TRAPPC9: variants seen among roughly 807,000 people sequenced by gnomAD.
TRAPPC9 encodes IKK2 binding protein.
Under a neutral mutation model 124.0 loss-of-function variants are expected in TRAPPC9, and 83 were observed. The ratio of observed to expected loss-of-function variants is 0.67; its 90% CI spans 0.56 to 0.80. TRAPPC9 has a LOEUF of 0.80. Ranked by LOEUF, TRAPPC9 falls within the 30% of genes least tolerant of loss-of-function variation. TRAPPC9 has a pLI of 0.00. For synonymous variants in TRAPPC9, 638 were observed against 617.5 expected, an observed-to-expected ratio of 1.03 and a Z score of -0.49; for missense variants, 1,302 against 1,508.3, an observed-to-expected ratio of 0.86 and a Z score of 2.27.
intron 21 of TRAPPC9, among the ~76,000 whole-genome samples, chr8:139,781,819 A>AT (rs773595463): frequency 1.6e-4 from 24 of 152,226 alleles, no homozygotes; most frequent in Non-Finnish European, 2.5e-4. Flanking sequence ...GAAATAGTGT[A>AT]TAAAAATAAT....
At chr8:139,947,907 T>TATATATATAGAGAGAGAGAGAGAGAG in intron 19 of TRAPPC9, among the ~76,000 whole-genome samples, 12 of 60,364 alleles carry the variant, frequency 2.0e-4, no homozygotes, top group East Asian at 1.8e-3. Context: ...TATATATATA[T>TATATATATAGAGAGAGAGAGAGAGAG]AGAGAGAGAG....
chr8:140,389,434 C>T (rs1372848463), intron 7 of TRAPPC9, among the ~76,000 whole-genome samples: 1 of 152,144 alleles, frequency 6.6e-6, no homozygotes, highest in African/African-American at 2.4e-5. Flanking sequence ...GTGTGCACAC[C>T]CACCAATGGT....
chr8:140,282,276 G>A lies in TRAPPC9; in HGVS notation c.2114+1613C>T, dbSNP rs183579476. Among the ~76,000 whole-genome samples, 112 of 152,292 alleles carry A rather than the reference G, an allele frequency of 7.4e-4. 1 individual carries two copies. Among genetic ancestry groups the A allele is most frequent in the Admixed American group, 1.4e-3 (22 of 15,302 alleles). Reference sequence around the variant, plus strand: ...CCAGCACTTTGGGAGGCCAAGGTGGGCAGATCACTTGAGGTCAGGAGTTTG... The same window carrying A: ...CCAGCACTTTGGGAGGCCAAGGTGGACAGATCACTTGAGGTCAGGAGTTTG... On this transcript the variant is annotated intron_variant, in intron 14 of 22. Coordinates refer to ENST00000438773, the MANE Select transcript of TRAPPC9 (RefSeq NM_001160372.4).
chr8:140,062,946 G>A (rs1401187127), intron 17 of TRAPPC9, among the ~76,000 whole-genome samples: 5 of 152,142 alleles, frequency 3.3e-5, no homozygotes, highest in Non-Finnish European at 7.3e-5. Flanking sequence ...AAAGGAAAGA[G>A]GTTTAATTGA....
At chr8:139,898,319 C>A (rs1830795543) in intron 20 of TRAPPC9, among the ~76,000 whole-genome samples, 1 of 152,178 alleles carries the variant, frequency 6.6e-6, no homozygotes, top group Non-Finnish European at 1.5e-5. Flanking sequence ...CAAACTAGAC[C>A]CCGGTAAGCA....
intron 17 of TRAPPC9, among the ~76,000 whole-genome samples, chr8:140,125,149 A>G (rs893985876): frequency 6.6e-6 from 1 of 152,224 alleles, no homozygotes; most frequent in Non-Finnish European, 1.5e-5. Context: ...GCCGATGGTG[A>G]TGCAGCAGCC....
chr8:140,215,145 A>G (rs2063160348), intron 17 of TRAPPC9, among the ~76,000 whole-genome samples: 4 of 152,112 alleles, frequency 2.6e-5, no homozygotes, highest in Non-Finnish European at 4.4e-5. Flanking sequence ...AAAATGCCGC[A>G]TGATTGCACA....
chr8:139,780,386 T>A (rs138024844), intron 21 of TRAPPC9, among the ~76,000 whole-genome samples: 316 of 152,260 alleles, frequency 2.1e-3, no homozygotes, highest in Middle Eastern at 0.017. Flanking sequence ...CATGTCTGTA[T>A]CATAAACTCT....
chr8:140,435,837 C>T (rs1452511655), intron 3 of TRAPPC9, among the ~76,000 whole-genome samples: 2 of 152,164 alleles, frequency 1.3e-5, no homozygotes, highest in Non-Finnish European at 2.9e-5. Flanking sequence ...CCAGCTATGC[C>T]ACATGCCTTA....
intron 11 of TRAPPC9, among the ~76,000 whole-genome samples, chr8:140,298,400 C>T (rs1225649799): frequency 6.6e-6 from 1 of 152,188 alleles, no homozygotes; most frequent in African/African-American, 2.4e-5. Context: ...CACCTGTAAC[C>T]CCAGCTCTCT....
Position 140,186,141 on chromosome 8 carries a change from A to C in TRAPPC9, c.2556+35318T>G, listed in dbSNP as rs73363002. Among the ~76,000 whole-genome samples the C allele has an allele frequency of 4.6e-3, 704 of 152,370 alleles. 7 individuals carry two copies. The highest frequency in any genetic ancestry group is 0.016 in the African/African-American group (672 of 41,586). On this transcript the variant is annotated intron_variant, in intron 17 of 22. Coordinates refer to ENST00000438773, the MANE Select transcript of TRAPPC9 (RefSeq NM_001160372.4). ...ATTACTAAACAAACTTCAAAGTAAA[A>C]CATTTTCTCAAACTTAATTTGACCA...
intron 17 of TRAPPC9, among the ~76,000 whole-genome samples, chr8:140,086,460 C>A (rs927735863): frequency 2.0e-5 from 3 of 152,192 alleles, no homozygotes; most frequent in African/African-American, 4.8e-5. Context: ...CAGCAGCCTC[C>A]CCATGGCTCT....
intron 21 of TRAPPC9, among the ~76,000 whole-genome samples, chr8:139,779,840 T>A (rs1266764096): frequency 6.6e-6 from 1 of 152,022 alleles, no homozygotes; most frequent in Non-Finnish European, 1.5e-5. Flanking sequence ...GGACACAAGG[T>A]TAATATACAA....
chr8:139,858,607 T>C (rs1008945126), intron 21 of TRAPPC9, among the ~76,000 whole-genome samples: 4 of 152,134 alleles, frequency 2.6e-5, no homozygotes, highest in African/African-American at 9.7e-5. Context: ...ATCTGGGGAC[T>C]GGGTGGGTGG....
chr8:139,880,255 C>T (rs1291370946), intron 21 of TRAPPC9, among the ~76,000 whole-genome samples: 5 of 152,170 alleles, frequency 3.3e-5, no homozygotes, highest in Non-Finnish European at 7.3e-5. Context: ...CCGGCATAGC[C>T]ATGGCTCCCA....
rs114468991 is a variant in TRAPPC9 at position 139,988,959 on chromosome 8, G to C, written c.2700-123C>G. 2,382 of 718,386 alleles carry C rather than the reference G, an allele frequency of 3.3e-3. 46 individuals carry two copies. In the African/African-American group the frequency reaches 0.037, roughly 11 times the overall value. 44.5% of individuals were successfully genotyped at this position (718,386 alleles called of 1,614,324 possible). A position where few individuals can be genotyped will look rare whatever the true frequency, so the allele number is the denominator to read the frequency against. ...AGGGCAAAGTATATCGAAATGCCAA[G>C]TGCTCCTGGGCTCAGAGGATTACGG... On this transcript the variant is annotated intron_variant, in intron 18 of 22. Coordinates refer to ENST00000438773, the MANE Select transcript of TRAPPC9 (RefSeq NM_001160372.4).
chr8:140,148,779 G>C (rs2061498230), intron 17 of TRAPPC9, among the ~76,000 whole-genome samples: 2 of 152,240 alleles, frequency 1.3e-5, no homozygotes, highest in South Asian at 4.2e-4. Flanking sequence ...AAACATTTTG[G>C]GGACTAGTAA....
At chr8:140,026,699 C>G (rs1258606174) in intron 17 of TRAPPC9, among the ~76,000 whole-genome samples, 2 of 152,138 alleles carry the variant, frequency 1.3e-5, no homozygotes, top group Non-Finnish European at 2.9e-5. Context: ...CAAATCCCCT[C>G]TCACCACTCC....
At chr8:139,956,328 A>G (rs1394196179) in intron 19 of TRAPPC9, among the ~76,000 whole-genome samples, 1 of 151,806 alleles carries the variant, frequency 6.6e-6, no homozygotes, top group East Asian at 1.9e-4. Context: ...CGCCCAGATA[A>G]TTTTTTGTAT....
Sources: gnomAD v4.1 joint callset for allele counts (sites outside exome capture counted in the v4.1 genomes callset) on GRCh38, gnomAD v4.1.1 for gene constraint, MANE v1.5 for transcripts, NCBI Gene and HGNC (gene_info 2026-07-23, HGNC 2026-07-21) for gene names.